The following IDE variants were observed in gnomAD, a reference collection of about 807,000 sequenced individuals.
The protein encoded by IDE is insulin-degrading enzyme.
IDE carries 58 observed loss-of-function variants against 133.2 expected under a neutral mutation model. The ratio of observed to expected loss-of-function variants is 0.44; its 90% CI spans 0.35 to 0.54. IDE has a LOEUF of 0.54. Among genes scored for constraint, IDE ranks in the 20% least tolerant of loss-of-function variants. IDE has a pLI of 0.00. For missense variants in IDE, 981 were observed against 1,234.0 expected, an observed-to-expected ratio of 0.79 and a Z score of 3.07; for synonymous variants, 396 against 421.3, an observed-to-expected ratio of 0.94 and a Z score of 0.73.
chr10:92,522,503 A>G (rs796368029), intron 4 of IDE, among the ~76,000 whole-genome samples: 5 of 152,304 alleles, frequency 3.3e-5, no homozygotes, highest in African/African-American at 1.2e-4. Flanking sequence ...CTAAAACATT[A>G]GTCAAATACA....
In IDE at chr10:92,504,835, T is replaced by G. The variant is rs1275226167; in HGVS notation, c.1389A>C (p.Leu463Phe). Residue 463 changes from leucine to phenylalanine, a missense_variant, in exon 11 of 25, where the codon TTA becomes TTC. Physicochemically the swap from Leu to Phe is conservative, Grantham distance 22. Coordinates refer to ENST00000265986, the MANE Select transcript of IDE (RefSeq NM_004969.4). ...EYLLEEFRPD[L>F]IEMVLDKLRP... ...TGAGTTTATCGAGAACCATCTCTAT[T>G]AAGTCAGGTCTAAATTCTTCCAGTA... The G allele has an allele frequency of 1.5e-5, 24 of 1,599,042 alleles. No individual in the cohort carries two copies. Among genetic ancestry groups the G allele is most frequent in the Non-Finnish European group, 2.0e-5 (24 of 1,171,186 alleles).
At position 92,461,241 on chromosome 10, in the gene IDE, C is replaced by T. The variant is rs1415606937; in HGVS notation, c.2773G>A (p.Val925Ile). 2 of 1,452,548 alleles carry T rather than the reference C, an allele frequency of 1.4e-6. No homozygotes were observed. The highest frequency in any genetic ancestry group is 1.9e-6 in the Non-Finnish European group (2 of 1,034,096). The allele number at this position is 1,452,548 out of a possible 1,614,324, so 90.0% of individuals were successfully genotyped here. Residue 925 changes from valine to isoleucine, a missense_variant, in exon 22 of 25, where the codon GTT becomes ATT. By Grantham distance (29) the Val-to-Ile change is conservative (BLOSUM62 3). Around this residue, in one of 2 missense-constraint regions of IDE, gnomAD observed 660 missense variants for 894.7 expected, o/e 0.74. Coordinates refer to ENST00000265986, the MANE Select transcript of IDE (RefSeq NM_004969.4). The part of the protein sequence containing the change: ...QYNFDRDNTE[V>I]AYLKTLTKED... ...TTGGTAAGTGTCTTTAAATATGCAA[C>T]CTCAGTGTTATCTGAAAAAGTAATC...
Position 92,507,580 on chromosome 10 carries a change from A to C in IDE, c.1240T>G (p.Cys414Gly). Residue 414 changes from cysteine to glycine, a missense_variant, in exon 9 of 25, where the codon TGC becomes GGC. Cys to Gly is a radical substitution (Grantham distance 159). Around this residue, in one of 2 missense-constraint regions of IDE, gnomAD observed 660 missense variants for 894.7 expected, o/e 0.74. Transcript: ENST00000265986. ...EGPQEWVFQE[C>G]KDLNAVAFRF... is the part of the protein sequence containing the mutation. ...TTTTGGTGAAACAAAAGTACCTTGCACTCTTGGAAAACCCATTCTTGAGGT... is the reference window on the plus strand; with the variant it reads ...TTTTGGTGAAACAAAAGTACCTTGCCCTCTTGGAAAACCCATTCTTGAGGT... 1.3e-6 allele frequency: 2 copies of C among 1,581,212 alleles called. No homozygotes were observed. Among genetic ancestry groups the C allele is most frequent in the Non-Finnish European group, 1.7e-6 (2 of 1,150,102 alleles).
At chr10:92,553,775 T>C (rs934426177) in intron 1 of IDE, among the ~76,000 whole-genome samples, 1 of 152,018 alleles carries the variant, frequency 6.6e-6, no homozygotes, top group African/African-American at 2.4e-5. Context: ...CCTACCAAGA[T>C]TGAACCATGA....
At chr10:92,548,126 A>G (rs10786049) in intron 1 of IDE, among the ~76,000 whole-genome samples, 58,570 of 151,646 alleles carry the variant, frequency 0.39, 11,569 homozygotes, top group Admixed American at 0.45. Context: ...TTGGGAGGCC[A>G]AGGCAGGCCG....
chr10:92,463,930 C>T lies in IDE; in HGVS notation c.2562G>A (p.Lys854=), dbSNP rs1328866732. Residue 854 remains lysine (K), a synonymous_variant, in exon 21 of 25, where the codon AAG becomes AAA. Coordinates refer to ENST00000265986, the MANE Select transcript of IDE (RefSeq NM_004969.4). ...CTCTGCTTTCTAGGTAGTGAGGTGG[C>T]TTTTCTGACTGGATGATGAATCTCA... The part of the protein sequence containing the change: ...QGLRFIIQSE[K]PPHYLESRVE... The T allele has an allele frequency of 6.2e-7, 1 of 1,614,008 alleles. No homozygotes were observed. Among genetic ancestry groups the T allele is most frequent in the East Asian group, 2.2e-5 (1 of 44,896 alleles).
At chr10:92,470,778 T>C (rs981358440) in intron 17 of IDE, among the ~76,000 whole-genome samples, 7 of 152,340 alleles carry the variant, frequency 4.6e-5, no homozygotes, top group African/African-American at 1.7e-4. Context: ...TTAGATTTCA[T>C]GTCTGTATTA....
At position 92,480,003 on chromosome 10, in the gene IDE, A is replaced by G. The variant is rs559830761; in HGVS notation, c.1740-582T>C. On this transcript the variant is annotated intron_variant, in intron 14 of 24. Transcript: ENST00000265986. Reference sequence around the variant, plus strand: ...GTCAGTAAAATAATTGATAATTTCTATCATATAACAGCAGCCAAAACTAGG... The same window carrying G: ...GTCAGTAAAATAATTGATAATTTCTGTCATATAACAGCAGCCAAAACTAGG... Among the ~76,000 whole-genome samples, 4 of 152,364 alleles carry G rather than the reference A, an allele frequency of 2.6e-5. No homozygotes were observed. The East Asian group carries it at 5.8e-4, about 22-fold the overall frequency.
chr10:92,533,049 C>T (rs1057237657), intron 3 of IDE, among the ~76,000 whole-genome samples: 4 of 152,162 alleles, frequency 2.6e-5, no homozygotes, highest in Admixed American at 2.0e-4. Flanking sequence ...CTTTTACCCA[C>T]CTCAATACTT....
At chr10:92,524,586 T>C (rs928657134) in intron 4 of IDE, among the ~76,000 whole-genome samples, 1 of 124,872 alleles carries the variant, frequency 8.0e-6, no homozygotes, top group Non-Finnish European at 1.6e-5. Flanking sequence ...TCATTCAACA[T>C]GATCAAGTGG....
At chr10:92,556,687 G>A (rs894611171) in intron 1 of IDE, among the ~76,000 whole-genome samples, 2 of 152,162 alleles carry the variant, frequency 1.3e-5, no homozygotes, top group Non-Finnish European at 2.9e-5. Flanking sequence ...GGACCCAGGA[G>A]GCGGAGGTTG....
chr10:92,463,403 T>G (rs142183570), intron 21 of IDE, among the ~76,000 whole-genome samples: 20 of 152,272 alleles, frequency 1.3e-4, no homozygotes, highest in South Asian at 4.1e-4. Flanking sequence ...TTTTTAGTAT[T>G]ATGGGAAATA....
intron 1 of IDE, chr10:92,573,280 G>C (rs764195967): frequency 1.5e-6 from 1 of 652,624 alleles, no homozygotes; most frequent in Non-Finnish European, 1.9e-6. Context: ...GCCATCTCTC[G>C]GAGCTCCGGT....
rs371739200 is a variant in IDE at position 92,487,339 on chromosome 10, A to C, written c.1534-21T>G. 14 of 1,603,294 alleles carry C rather than the reference A, an allele frequency of 8.7e-6. No homozygotes were observed. The African/African-American group carries it at 1.6e-4, about 18-fold the overall frequency. The stretch of plus-strand genomic sequence containing the variant: ...CATTTCTGGATGAATAATGAAACAC[A>C]CAAATGCAGTAAGAGTCTGATTTAA... On this transcript the variant is annotated intron_variant, in intron 12 of 24. Coordinates refer to ENST00000265986, the MANE Select transcript of IDE (RefSeq NM_004969.4).
chr10:92,467,004 G>T (rs1012168599), intron 19 of IDE, among the ~76,000 whole-genome samples: 1 of 151,952 alleles, frequency 6.6e-6, no homozygotes, highest in African/African-American at 2.4e-5. Flanking sequence ...CTGGGTGACA[G>T]AGTAAGACTC....
chr10:92,498,685 A>T (rs1450391898), intron 11 of IDE, among the ~76,000 whole-genome samples: 2 of 152,170 alleles, frequency 1.3e-5, no homozygotes, highest in Non-Finnish European at 2.9e-5. Context: ...TGAACCCGGG[A>T]GGCGGAGGTG....
At chr10:92,537,085 G>A (rs1308365203) in intron 2 of IDE, among the ~76,000 whole-genome samples, 2 of 151,310 alleles carry the variant, frequency 1.3e-5, no homozygotes, top group Non-Finnish European at 2.9e-5. Context: ...AATGTACCAC[G>A]GTAAAAAAAA....
Position 92,506,503 on chromosome 10 carries a change from A to G in IDE, c.1265T>C (p.Phe422Ser). 1 of 1,577,610 alleles carries G rather than the reference A, an allele frequency of 6.3e-7. No homozygotes were observed. Among genetic ancestry groups the G allele is most frequent in the East Asian group, 2.2e-5 (1 of 44,498 alleles). Residue 422 changes from phenylalanine (F) to serine (S), a missense_variant, in exon 10 of 25, where the codon TTT (phenylalanine) becomes TCT (serine). Transcript: ENST00000265986. The part of the protein sequence containing the change: ...QECKDLNAVA[F>S]RFKDKERPRG... ...TGGCCTCTCTTTGTCTTTAAACCTA[A>G]AAGCAACAGCATTCAAGTCCTAAAA...
chr10:92,510,816 A>G (rs781782549), intron 5 of IDE, among the ~76,000 whole-genome samples: 21 of 149,826 alleles, frequency 1.4e-4, no homozygotes, highest in South Asian at 4.1e-4. Context: ...CATATCACAT[A>G]TATGATATAT....
Sources: allele counts gnomAD v4.1 joint callset (sites outside exome capture counted in the v4.1 genomes callset), GRCh38; gene constraint gnomAD v4.1.1; regional missense constraint gnomAD v4.1.1; transcripts MANE v1.5; gene names NCBI Gene and HGNC (gene_info 2026-07-23, HGNC 2026-07-21).